The following PLA2G3 variants were observed in gnomAD, a reference collection of about 807,000 sequenced individuals.
PLA2G3 encodes the protein group 3 secretory phospholipase A2.
Under a neutral mutation model 51.3 loss-of-function variants are expected in PLA2G3, and 39 were observed. The observed-to-expected ratio is 0.76, with a 90% CI of 0.59 to 0.99. PLA2G3 has a LOEUF of 0.99. PLA2G3 is among the 50% of genes least tolerant of loss of function. The pLI is 0.00. For missense variants in PLA2G3, 677 were observed against 662.1 expected (o/e 1.02, Z -0.25); for synonymous variants, 293 against 263.1 (o/e 1.11, Z -1.10).
In PLA2G3 at chr22:31,137,060, T is replaced by C. The variant is rs1922618310; in HGVS notation, c.1067-20A>G. On this transcript the variant is annotated intron_variant, in intron 4 of 6. Transcript: ENST00000215885. ...GGGCACCTGAGGGGTGGATGTGGTG[T>C]TGATGGGAGCCCAATCCACCAGGGA... is the stretch of plus-strand genomic sequence containing the variant. 2 of 1,502,798 alleles carry C rather than the reference T, an allele frequency of 1.3e-6. No homozygotes were observed. The highest frequency in any genetic ancestry group is 2.5e-5 in the Admixed American group (1 of 40,486). The allele number at this position is 1,502,798 out of a possible 1,614,324, so 93.1% of individuals were successfully genotyped here.
Position 31,135,804 on chromosome 22 carries a change from G to C in PLA2G3, c.1449C>G (p.Pro483=). 1 of 1,614,010 alleles carries C rather than the reference G, an allele frequency of 6.2e-7. No homozygotes were observed. The highest frequency in any genetic ancestry group is 1.3e-5 in the African/African-American group (1 of 75,062). ...GCAGGCACTGGTTGTAGAATGACAT[G>C]GGGCCTCTCAGGGGCTCTGAAGGCC... ...QPWPSEPLRG[P]MSFYNQCLQL... Residue 483 remains proline (P), a synonymous_variant, in exon 7 of 7, where the codon CCC becomes CCG. Coordinates refer to ENST00000215885, the MANE Select transcript of PLA2G3 (RefSeq NM_015715.5).
In PLA2G3 at chr22:31,139,956, T is replaced by G; in HGVS notation, c.399A>C (p.Ala133=). ...CACCAGGGACTCCACTCTGCCCTGC[T>G]GCTCGCTTCTTCCTGGCCCCTGCTG... ...ESPAGARKKR[A]AGQSGVPGGG... The change falls in exon 1 of 7, where the codon GCA becomes GCC. Residue 133 remains alanine, a synonymous_variant. Transcript: ENST00000215885. 1 of 1,614,042 alleles carries G rather than the reference T, an allele frequency of 6.2e-7. No homozygotes were observed. Among genetic ancestry groups the G allele is most frequent in the Non-Finnish European group, 8.5e-7 (1 of 1,180,026 alleles).
In PLA2G3 at chr22:31,135,345, A is replaced by G. The variant is rs1602750414; in HGVS notation, c.*378T>C. The G allele has an allele frequency of 4.9e-6, 1 of 204,812 alleles. No homozygotes were observed. Among genetic ancestry groups the G allele is most frequent in the East Asian group, 1.2e-4 (1 of 8,304 alleles). 12.7% of individuals were successfully genotyped at this position (204,812 alleles called of 1,614,324 possible). ...CCCTAGGCAGGTTTTTGAGGCATGTATTATTTTTGCAACACGGACATACAT... is the reference window on the plus strand; with the variant it reads ...CCCTAGGCAGGTTTTTGAGGCATGTGTTATTTTTGCAACACGGACATACAT... On this transcript the variant is annotated 3_prime_UTR_variant, in exon 7 of 7. Transcript: ENST00000215885.
chr22:31,136,030 G>T, intron 6 of PLA2G3, 94 bp from the exon 7 acceptor site: 1 of 1,035,864 alleles, frequency 9.7e-7, no homozygotes, highest in Admixed American at 2.1e-5. Context: ...GAGAGAGGGG[G>T]CTGGGGCCAC....
chr22:31,139,061 C>T (rs909514794), intron 1 of PLA2G3, among the ~76,000 whole-genome samples: 1 of 152,216 alleles, frequency 6.6e-6, no homozygotes, highest in East Asian at 1.9e-4. Flanking sequence ...ATGGAAAGGT[C>T]TTCCTCAGGG....
intron 6 of PLA2G3, among the ~76,000 whole-genome samples, 187 bp downstream of exon 6, chr22:31,136,496 C>T (rs145077663): frequency 3.0e-4 from 46 of 152,242 alleles, no homozygotes; most frequent in African/African-American, 8.2e-4. Flanking sequence ...AGCCAAGATG[C>T]GACCCATAGA....
rs942147214 is a variant in PLA2G3 at position 31,140,501 on chromosome 22, G to A, written c.-147C>T. On this transcript the variant is annotated 5_prime_UTR_variant, in exon 1 of 7. Coordinates refer to ENST00000215885, the MANE Select transcript of PLA2G3 (RefSeq NM_015715.5). ...AATGAATGGAGCTGCGGGAGGAGGA[G>A]GAAAGAGGCTGGAGTATGGGGTGAT... 4.0e-5 allele frequency: 34 copies of A among 856,122 alleles called. No homozygotes were observed. The highest frequency in any genetic ancestry group is 5.3e-5 in the Non-Finnish European group (30 of 566,816). The allele number at this position is 856,122 out of a possible 1,614,324, so 53.0% of individuals were successfully genotyped here.
rs2232185 is a variant in PLA2G3 at position 31,135,661 on chromosome 22, C to T, written c.*62G>A. 0.024 allele frequency: 31,418 copies of T among 1,315,458 alleles called. 484 individuals are homozygous for T. Among genetic ancestry groups the T allele is most frequent in the African/African-American group, 0.044 (3,064 of 69,082 alleles). 81.5% of individuals were successfully genotyped at this position (1,315,458 alleles called of 1,614,324 possible). ...ACCTACGGAGGGGAGGCTGAGATTC[C>T]CAAGGCTTGGCATAGCCATGGGCAA... On this transcript the variant is annotated 3_prime_UTR_variant, in exon 7 of 7. Coordinates refer to ENST00000215885, the MANE Select transcript of PLA2G3 (RefSeq NM_015715.5).
Position 31,135,517 on chromosome 22 carries a change from G to A in PLA2G3, c.*206C>T, listed in dbSNP as rs1224743762. On this transcript the variant is annotated 3_prime_UTR_variant, in exon 7 of 7. Coordinates refer to ENST00000215885, the MANE Select transcript of PLA2G3 (RefSeq NM_015715.5). ...CCACATCCAGGCATAGAAGAGTTGTGTCATACATAGCTCAAGGTTACCCAG... is the reference window on the plus strand; with the variant it reads ...CCACATCCAGGCATAGAAGAGTTGTATCATACATAGCTCAAGGTTACCCAG... 1.0e-5 allele frequency: 6 copies of A among 591,344 alleles called. No individual in the cohort carries two copies. Among genetic ancestry groups the A allele is most frequent in the Non-Finnish European group, 1.8e-5 (6 of 331,048 alleles). The allele number at this position is 591,344 out of a possible 1,614,324, so 36.6% of individuals were successfully genotyped here. A position where few individuals can be genotyped will look rare whatever the true frequency, so the allele number is the denominator to read the frequency against.
rs761889696 is a variant in PLA2G3, at chr22:31,137,796, G to A, written c.980C>T (p.Thr327Ile). The stretch of plus-strand genomic sequence containing the variant: ...AGAGACCATAGGGTCCTGGAGGGCT[G>A]TGGTGTTGGCTTTGCTGGGGCGCTT... The part of the protein sequence containing the change: ...GSKRPSKANT[T>I]ALQDPMVSPR... Residue 327 changes from threonine (T) to isoleucine (I), a missense_variant, in exon 4 of 7, where the codon ACA becomes ATA. Physicochemically the swap from Thr to Ile is moderately conservative, Grantham distance 89. Coordinates refer to ENST00000215885, the MANE Select transcript of PLA2G3 (RefSeq NM_015715.5). The A allele has an allele frequency of 6.2e-7, 1 of 1,614,082 alleles. No homozygotes were observed. The highest frequency in any genetic ancestry group is 1.1e-5 in the South Asian group (1 of 91,076).
chr22:31,139,135 T>C (rs892339535), intron 1 of PLA2G3, among the ~76,000 whole-genome samples: 44 of 152,104 alleles, frequency 2.9e-4, no homozygotes, highest in Admixed American at 1.3e-4. Flanking sequence ...AAATTATGAA[T>C]GTGTGTATGA....
In PLA2G3 at chr22:31,138,742, A is replaced by T; in HGVS notation, c.572T>A (p.Ile191Asn). 17 of 1,613,900 alleles carry T rather than the reference A, an allele frequency of 1.1e-5. No homozygotes were observed. Among genetic ancestry groups the T allele is most frequent in the Non-Finnish European group, 1.4e-5 (17 of 1,179,952 alleles). The change falls in exon 2 of 7, where the codon ATC (isoleucine) becomes AAC (asparagine). Residue 191 changes from isoleucine to asparagine, a missense_variant. By Grantham distance (149) the Ile-to-Asn change is moderately radical. Transcript: ENST00000215885. ...GCCATAGTTGTACTGCAAGGGTGAG[A>T]TGTTCTGTGGGCAGCGGTCATGTTC... ...CREHDRCPQNISPLQYNYGIR... is the reference protein window; with the variant it reads ...CREHDRCPQNNSPLQYNYGIR...
At position 31,140,300 on chromosome 22, in the gene PLA2G3, C is replaced by A. The variant is rs540358884; in HGVS notation, c.55G>T (p.Gly19Trp). 30 of 1,610,830 alleles carry A rather than the reference C, an allele frequency of 1.9e-5. No homozygotes were observed. Among genetic ancestry groups the A allele is most frequent in the Middle Eastern group, 3.3e-4 (2 of 6,060 alleles). Residue 19 changes from glycine to tryptophan, a missense_variant, in exon 1 of 7, where the codon GGG (glycine) becomes TGG (tryptophan). Physicochemically the swap from Gly to Trp is radical, Grantham distance 184. Coordinates refer to ENST00000215885, the MANE Select transcript of PLA2G3 (RefSeq NM_015715.5). ...GMLGFLGVAL[G>W]GSPALRWYRT... Reference sequence around the variant, plus strand: ...TACCAGCGGAGGGCAGGGGAGCCCCCCAGGGCCACCCCCAGGAAGCCCAGC... The same window carrying A: ...TACCAGCGGAGGGCAGGGGAGCCCCACAGGGCCACCCCCAGGAAGCCCAGC...
Position 31,140,172 on chromosome 22 carries a change from G to C in PLA2G3, c.183C>G (p.Arg61=). The C allele has an allele frequency of 6.2e-7, 1 of 1,612,582 alleles. No individual in the cohort carries two copies. Among genetic ancestry groups the C allele is most frequent in the Non-Finnish European group, 8.5e-7 (1 of 1,179,930 alleles). ...DAQGLALIHA[R]WDAHRRLQSC... is the part of the protein sequence containing the mutation. ...ACTGCAGCCTCCTATGCGCATCCCAGCGGGCATGGATCAGGGCCAGTCCCT... is the reference window on the plus strand; with the variant it reads ...ACTGCAGCCTCCTATGCGCATCCCACCGGGCATGGATCAGGGCCAGTCCCT... Residue 61 remains arginine (R), a synonymous_variant, in exon 1 of 7, where the codon CGC becomes CGG. Coordinates refer to ENST00000215885, the MANE Select transcript of PLA2G3 (RefSeq NM_015715.5).
In PLA2G3 at chr22:31,138,476, CTG is replaced by C. The variant is rs1479844072; in HGVS notation, c.648-68_648-67del. Reference sequence around the variant, plus strand: ...GCTGTCTGGCTCCTCCCACAGCCCACTGTGCCACTACCAGCTGGGTGGTTTGG... The same window carrying C: ...GCTGTCTGGCTCCTCCCACAGCCCACTGCCACTACCAGCTGGGTGGTTTGG... On this transcript the variant is annotated intron_variant, in intron 2 of 6. Coordinates refer to ENST00000215885, the MANE Select transcript of PLA2G3 (RefSeq NM_015715.5). The C allele has an allele frequency of 3.2e-6, 5 of 1,584,876 alleles. No individual in the cohort carries two copies. The African/African-American group carries it at 6.7e-5, about 21-fold the overall frequency.
At chr22:31,139,193 G>A (rs1409479509) in intron 1 of PLA2G3, among the ~76,000 whole-genome samples, 1 of 152,148 alleles carries the variant, frequency 6.6e-6, no homozygotes, top group East Asian at 1.9e-4. Flanking sequence ...GGCACAAGGA[G>A]GTGTCGCCAG....
intron 4 of PLA2G3, 65 bp from the exon 5 acceptor site, chr22:31,137,105 C>T (rs1922620982): frequency 3.5e-6 from 5 of 1,422,632 alleles, no homozygotes; most frequent in Non-Finnish European, 4.7e-6. Context: ...AATGCCTGCG[C>T]CATCCGGGAG....
At chr22:31,138,084 A>C (rs1922692806) in intron 3 of PLA2G3, 91 bp from the exon 4 acceptor site, 5 of 1,409,678 alleles carry the variant, frequency 3.5e-6, no homozygotes, top group Middle Eastern at 2.3e-4. Context: ...ATGCTCTGCC[A>C]GTCCCATCCC....
intron 6 of PLA2G3, 74 bp downstream of exon 6, chr22:31,136,609 A>G: frequency 8.5e-7 from 1 of 1,182,032 alleles, no homozygotes; most frequent in Non-Finnish European, 1.3e-6. Flanking sequence ...CCTTGGCCCA[A>G]GCATTCAAAG....
Sources: allele counts gnomAD v4.1 joint callset (sites outside exome capture counted in the v4.1 genomes callset), GRCh38; gene constraint gnomAD v4.1.1; transcripts MANE v1.5; gene names NCBI Gene and HGNC (gene_info 2026-07-23, HGNC 2026-07-21).